LPA: variants seen among roughly 807,000 people sequenced by gnomAD.
LPA encodes the protein lipoprotein(a).
A neutral mutation model predicts 197.9 loss-of-function variants in LPA; 199 were observed. The observed-to-expected ratio is 1.01, with a 90% CI of 0.90 to 1.13. The LOEUF is 1.13. Among genes scored for constraint, LPA ranks in the 50% most tolerant of loss-of-function variants. The pLI, the probability that LPA is intolerant of heterozygous loss-of-function variation, is 0.00. For synonymous variants in LPA, 715 were observed against 639.5 expected, an observed-to-expected ratio of 1.12 and a Z score of -1.78; for missense variants, 1,853 against 1,785.8, an observed-to-expected ratio of 1.04 and a Z score of -0.68.
intron 28 of LPA, among the ~76,000 whole-genome samples, chr6:160,574,255 C>G (rs892600673): frequency 1.3e-5 from 2 of 151,954 alleles, no homozygotes; most frequent in Non-Finnish European, 1.5e-5. Context: ...ATGCCCCCAA[C>G]CCCGCAACAG....
rs542459645 is a variant in LPA, at chr6:160,567,039, A to G, written c.4632-9468T>C. Among the ~76,000 whole-genome samples, 207 of 152,344 alleles carry G rather than the reference A, an allele frequency of 1.4e-3. 1 individual carries two copies. Among genetic ancestry groups the G allele is most frequent in the African/African-American group, 4.7e-3 (197 of 41,570 alleles). ...AAGAGACTTAGACTCCCACACAATA[A>G]TAATGGGAGACTTTAACACCCCACT... On this transcript the variant is annotated intron_variant, in intron 28 of 38. Coordinates refer to ENST00000316300, the MANE Select transcript of LPA (RefSeq NM_005577.4).
intron 28 of LPA, among the ~76,000 whole-genome samples, chr6:160,560,482 T>C (rs1778342214): frequency 6.6e-6 from 1 of 152,236 alleles, no homozygotes; most frequent in Non-Finnish European, 1.5e-5. Context: ...ATGATCGCCA[T>C]TCTAACGGGC....
At chr6:160,593,484 C>T (rs116222350) in intron 22 of LPA, among the ~76,000 whole-genome samples, 2 of 152,130 alleles carry the variant, frequency 1.3e-5, no homozygotes, top group South Asian at 2.1e-4. Flanking sequence ...TCTTCAGATA[C>T]CTTGTTCTCA....
chr6:160,557,714 C>A, intron 28 of LPA, 143 bp from the exon 29 acceptor site: 1 of 641,680 alleles, frequency 1.6e-6, no homozygotes, highest in Non-Finnish European at 2.7e-6. Context: ...TTCCGAAAAG[C>A]AAAAACGGTC....
intron 37 of LPA, 111 bp from the exon 38 acceptor site, chr6:160,532,760 C>G (rs1777826592): frequency 1.3e-6 from 1 of 781,314 alleles, no homozygotes; most frequent in Admixed American, 1.7e-5. Flanking sequence ...CGTGAGGCTG[C>G]AGAACACAAG....
intron 28 of LPA, among the ~76,000 whole-genome samples, chr6:160,562,341 A>T: frequency 6.6e-6 from 1 of 152,136 alleles, no homozygotes; most frequent in South Asian, 2.1e-4. Flanking sequence ...GGTTTTTGTC[A>T]TTGGTTCTGT....
chr6:160,599,599 C>T lies in LPA; in HGVS notation c.3188G>A (p.Arg1063Gln), dbSNP rs201964488. ...DCYYHYGQSY[R>Q]GTYSTTVTGR... is the part of the protein sequence containing the mutation. ...TGTGACAGTGGTGGAGTATGTGCCT[C>T]GGTAACTCTGTCCATAATGGTAGTA... The change falls in exon 20 of 39, where the codon CGA becomes CAA. Residue 1063 changes from arginine to glutamine, a missense_variant. Coordinates refer to ENST00000316300, the MANE Select transcript of LPA (RefSeq NM_005577.4). 531 of 1,613,958 alleles carry T rather than the reference C, an allele frequency of 3.3e-4. 1 individual carries two copies. Among genetic ancestry groups the T allele is most frequent in the Middle Eastern group, 2.6e-3 (16 of 6,080 alleles).
In LPA at chr6:160,557,444, G is replaced by A. The variant is rs1489209016; in HGVS notation, c.4759C>T (p.Leu1587=). The A allele has an allele frequency of 6.2e-7, 1 of 1,614,096 alleles. No individual in the cohort carries two copies. The highest frequency in any genetic ancestry group is 8.5e-7 in the Non-Finnish European group (1 of 1,180,006). Residue 1587 remains leucine, a synonymous_variant, in exon 29 of 39, where the codon CTA becomes TTA. Coordinates refer to ENST00000316300, the MANE Select transcript of LPA (RefSeq NM_005577.4). ...ACTGGAACAACAGTGGGAGTCTCTA[G>A]GACACCTGATTCTGTTTCTGAGCAT... is the stretch of plus-strand genomic sequence containing the variant. The part of the protein sequence containing the change: ...TQCSETESGV[L]ETPTVVPVPS...
At chr6:160,648,702 G>A (rs145884024) in intron 2 of LPA, among the ~76,000 whole-genome samples, 2 of 152,024 alleles carry the variant, frequency 1.3e-5, no homozygotes, top group East Asian at 3.9e-4. Flanking sequence ...TAGATGGGGA[G>A]GCCATCTAGT....
Position 160,604,709 on chromosome 6 carries a change from A to G in LPA, c.2945+337T>C, listed in dbSNP as rs79327486. On this transcript the variant is annotated intron_variant, in intron 18 of 38. Transcript: ENST00000316300. ...CACTTCAGGAATTGGAGTTTAGTTT[A>G]ATAGAATTCCAAGGAGAAAAGGCTG... Among the ~76,000 whole-genome samples, 1,838 of 152,298 alleles carry G rather than the reference A, an allele frequency of 0.012. 38 individuals carry two copies. In the Middle Eastern group the frequency reaches 0.14, roughly 11 times the overall value.
chr6:160,539,152 T>C (rs902174824), intron 36 of LPA, among the ~76,000 whole-genome samples: 1 of 152,124 alleles, frequency 6.6e-6, no homozygotes, highest in Non-Finnish European at 1.5e-5. Flanking sequence ...GCCCCATGCC[T>C]TCCCAACCAG....
chr6:160,541,291 C>T lies in LPA; in HGVS notation c.5520-110G>A. On this transcript the variant is annotated intron_variant, in intron 34 of 38. Transcript: ENST00000316300. ...CTCAGTTTTGATCATGTTCATATTCCCAAAGCAAAGGACTACCGCCCAACG... is the reference window on the plus strand; with the variant it reads ...CTCAGTTTTGATCATGTTCATATTCTCAAAGCAAAGGACTACCGCCCAACG... 10 of 835,058 alleles carry T rather than the reference C, an allele frequency of 1.2e-5. No homozygotes were observed. The South Asian group carries it at 1.3e-4, about 11-fold the overall frequency. The allele number at this position is 835,058 out of a possible 1,614,324, so 51.7% of individuals were successfully genotyped here.
At chr6:160,654,313 C>T (rs2115105519) in intron 1 of LPA, among the ~76,000 whole-genome samples, 1 of 149,464 alleles carries the variant, frequency 6.7e-6, no homozygotes, top group Middle Eastern at 3.5e-3. Flanking sequence ...CTAGTCTTTT[C>T]ACATTTTTCT....
chr6:160,646,985 T>C (rs1416313211), intron 2 of LPA, among the ~76,000 whole-genome samples: 2 of 152,324 alleles, frequency 1.3e-5, no homozygotes, highest in East Asian at 1.9e-4. Context: ...CAAATAGTAT[T>C]ACTGTCTGTC....
At chr6:160,532,703 G>A (rs1340702949) in intron 37 of LPA, 54 bp from the exon 38 acceptor site, 1 of 1,214,826 alleles carries the variant, frequency 8.2e-7, no homozygotes. Context: ...TTGTTCACGA[G>A]GAAATTCCAG....
At chr6:160,577,405 T>A (rs1778705287) in intron 27 of LPA, 110 bp from the exon 28 acceptor site, 1 of 975,742 alleles carries the variant, frequency 1.0e-6, no homozygotes, top group African/African-American at 1.6e-5. Flanking sequence ...ATTACTATTC[T>A]TTTTTCTACT....
chr6:160,651,678 TTAAA>T (rs1163904814), intron 1 of LPA, among the ~76,000 whole-genome samples: 1 of 152,162 alleles, frequency 6.6e-6, no homozygotes, highest in African/African-American at 2.4e-5. Context: ...TAAGTCACTG[TTAAA>T]TAATAAAGCA....
rs1010151909 is a variant in LPA at position 160,542,705 on chromosome 6, T to G, written c.5502A>C (p.Gln1834His). Residue 1834 changes from glutamine (Q) to histidine (H), a missense_variant, in exon 34 of 39, where the codon CAA (glutamine) becomes CAC (histidine). Physicochemically the swap from Gln to His is conservative, Grantham distance 24. Coordinates refer to ENST00000316300, the MANE Select transcript of LPA (RefSeq NM_005577.4). ...CVAHPHSWPW[Q>H]VSLRTRFGKH... ...GTTCTTACCTTGTTCTGAGACTGAC[T>G]TGCCAGGGCCAGGAATGTGGGTGGG... The G allele has an allele frequency of 3.5e-5, 56 of 1,613,696 alleles. No homozygotes were observed. The highest frequency in any genetic ancestry group is 4.5e-5 in the Non-Finnish European group (53 of 1,179,980).
Position 160,606,087 on chromosome 6 carries a change from G to C in LPA, c.2785+390C>G, listed in dbSNP as rs552704774. Among the ~76,000 whole-genome samples the C allele has an allele frequency of 2.0e-5, 3 of 152,314 alleles. No homozygotes were observed. In the East Asian group the frequency reaches 5.8e-4, roughly 29 times the overall value. ...TCCAGAGCCACATTTCTCTGAATCT[G>C]CAATGCTGAAGATTGCACTGAATGC... On this transcript the variant is annotated intron_variant, in intron 17 of 38. Coordinates refer to ENST00000316300, the MANE Select transcript of LPA (RefSeq NM_005577.4).
Sources: allele counts gnomAD v4.1 joint callset (sites outside exome capture counted in the v4.1 genomes callset), GRCh38; gene constraint gnomAD v4.1.1; transcripts MANE v1.5; gene names NCBI Gene and HGNC (gene_info 2026-07-23, HGNC 2026-07-21).